ZDHHC8: variants seen among roughly 807,000 people sequenced by gnomAD.
ZDHHC8 encodes zDHHC palmitoyltransferase 8, also known as palmitoyltransferase ZDHHC8.
Under a neutral mutation model 61.2 loss-of-function variants are expected in ZDHHC8, and 24 were observed. That is an observed-to-expected ratio of 0.39 (90% CI 0.28 to 0.55). The LOEUF is 0.55. Ranked by LOEUF, ZDHHC8 falls within the 20% of genes least tolerant of loss-of-function variation. The pLI, the probability that ZDHHC8 is intolerant of heterozygous loss-of-function variation, is 0.60. For missense variants in ZDHHC8, 935 were observed against 1,102.1 expected (o/e 0.85, Z 2.15); for synonymous variants, 523 against 492.5 (o/e 1.06, Z -0.82).
chr22:20,132,319 C>T (rs901119894), intron 1 of ZDHHC8, among the ~76,000 whole-genome samples: 3 of 152,192 alleles, frequency 2.0e-5, no homozygotes, highest in Non-Finnish European at 4.4e-5. Context: ...CAGGCCCTGG[C>T]GGGGAGCGCT....
chr22:20,134,537 C>T (rs762078670), intron 1 of ZDHHC8, among the ~76,000 whole-genome samples: 6 of 152,232 alleles, frequency 3.9e-5, no homozygotes, highest in Non-Finnish European at 7.3e-5. Context: ...GCAGGTTGCT[C>T]TTGTGCCCCG....
In ZDHHC8 at chr22:20,132,463, G is replaced by C. The variant is rs952202490; in HGVS notation, c.104+412G>C. Among the ~76,000 whole-genome samples the C allele has an allele frequency of 2.6e-5, 4 of 152,220 alleles. No homozygotes were observed. The East Asian group carries it at 7.7e-4, about 29-fold the overall frequency. On this transcript the variant is annotated intron_variant, in intron 1 of 10. Transcript: ENST00000334554. ...TGCAGGTGGCCGTGGGTGCCTCTCG[G>C]GTCTCCTCCTGGCTGCCCGCCCCGG...
In ZDHHC8 at chr22:20,139,782, C is replaced by T; in HGVS notation, c.447C>T (p.Phe149=). ...TCGGGCGTCGAAACTATCGCTACTT[C>T]TTCCTGTTCCTGCTGTCACTCAGTG... ...NCIGRRNYRY[F]FLFLLSLSAH... The change falls in exon 4 of 11, where the codon TTC becomes TTT. Residue 149 remains phenylalanine, a synonymous_variant. Coordinates refer to ENST00000334554, the MANE Select transcript of ZDHHC8 (RefSeq NM_013373.4). 1 of 1,613,256 alleles carries T rather than the reference C, an allele frequency of 6.2e-7. No individual in the cohort carries two copies. The highest frequency in any genetic ancestry group is 8.5e-7 in the Non-Finnish European group (1 of 1,180,010).
intron 1 of ZDHHC8, among the ~76,000 whole-genome samples, chr22:20,138,896 C>T (rs1602569346): frequency 6.6e-6 from 1 of 152,280 alleles, no homozygotes; most frequent in South Asian, 2.1e-4. Context: ...AGTCATGGAG[C>T]CTAGGTCGCT....
chr22:20,132,920 C>A (rs1045827732), intron 1 of ZDHHC8, among the ~76,000 whole-genome samples: 1 of 152,234 alleles, frequency 6.6e-6, no homozygotes, highest in African/African-American at 2.4e-5. Context: ...CACCCACCCC[C>A]CTTCCACCAA....
intron 7 of ZDHHC8, 57 bp downstream of exon 7, chr22:20,141,069 G>A: frequency 6.2e-7 from 1 of 1,604,150 alleles, no homozygotes; most frequent in Admixed American, 1.7e-5. Flanking sequence ...GGGGAAACAG[G>A]CAGGTTGGTG....
intron 5 of ZDHHC8, 34 bp from the exon 6 acceptor site, chr22:20,140,583 G>A: frequency 6.4e-7 from 1 of 1,560,280 alleles, no homozygotes. Flanking sequence ...TGGACCTTGG[G>A]AGGCCAGGCT....
In ZDHHC8 at chr22:20,142,800, TAGCCTGGACTTTGTGTCCGAGCCG is replaced by T; in HGVS notation, c.1180_1203del (p.Phe394_Asp401del). 1 of 1,612,698 alleles carries T rather than the reference TAGCCTGGACTTTGTGTCCGAGCCG, an allele frequency of 6.2e-7. No individual in the cohort carries two copies. The highest frequency in any genetic ancestry group is 8.5e-7 in the Non-Finnish European group (1 of 1,179,948). ...TGACCCTGGGGGACGACAGCATCCG[TAGCCTGGACTTTGTGTCCGAGCCG>T]AGCCTGGACCTCCCTGACTATGGGC... On this transcript the variant is annotated inframe_deletion, in exon 10 of 11. Coordinates refer to ENST00000334554, the MANE Select transcript of ZDHHC8 (RefSeq NM_013373.4).
In ZDHHC8 at chr22:20,143,713, C is replaced by G; in HGVS notation, c.2083C>G (p.His695Asp). Reference sequence around the variant, plus strand: ...GGGCCCCAAAGCTGTCGCCTTCATCCACACGGACCTCCCAGAGCCACCGCC... The same window carrying G: ...GGGCCCCAAAGCTGTCGCCTTCATCGACACGGACCTCCCAGAGCCACCGCC... ...YAGPKAVAFI[H>D]TDLPEPPPSL... is the part of the protein sequence containing the mutation. The change falls in exon 10 of 11, where the codon CAC (histidine) becomes GAC (aspartate). Residue 695 changes from histidine to aspartate, a missense_variant. By Grantham distance (81) the His-to-Asp change is moderately conservative. Around this residue, in one of 3 missense-constraint regions of ZDHHC8, gnomAD observed 692 missense variants for 731.4 expected, o/e 0.95. Transcript: ENST00000334554. The G allele has an allele frequency of 6.2e-7, 1 of 1,610,372 alleles. No individual in the cohort carries two copies. The highest frequency in any genetic ancestry group is 8.5e-7 in the Non-Finnish European group (1 of 1,179,638).
At position 20,145,260 on chromosome 22, in the gene ZDHHC8, A is replaced by G. The variant is rs765977620; in HGVS notation, c.2158A>G (p.Lys720Glu). 6.5e-6 allele frequency: 10 copies of G among 1,528,004 alleles called. No homozygotes were observed. The highest frequency in any genetic ancestry group is 7.0e-6 in the Non-Finnish European group (8 of 1,139,076). The allele number at this position is 1,528,004 out of a possible 1,614,324, so 94.7% of individuals were successfully genotyped here. A position where few individuals can be genotyped will look rare whatever the true frequency, so the allele number is the denominator to read the frequency against. ...CCCTCAGCTGAAGACTCCCCCAAGT[A>G]AGCTTAATGGGCAGTCCCCGGGCCT... ...DHPQLKTPPSKLNGQSPGLAR... is the reference protein window; with the variant it reads ...DHPQLKTPPSELNGQSPGLAR... Residue 720 changes from lysine (K) to glutamate (E), a missense_variant, in exon 11 of 11, where the codon AAG (lysine) becomes GAG (glutamate). Coordinates refer to ENST00000334554, the MANE Select transcript of ZDHHC8 (RefSeq NM_013373.4).
intron 1 of ZDHHC8, 99 bp from the exon 2 acceptor site, chr22:20,139,095 G>T (rs1455712402): frequency 1.3e-6 from 2 of 1,505,600 alleles, no homozygotes; most frequent in Non-Finnish European, 1.8e-6. Flanking sequence ...GAGCTCTGAG[G>T]GTGACCTTGC....
chr22:20,144,270 C>A (rs2050502258), intron 10 of ZDHHC8, among the ~76,000 whole-genome samples: 1 of 152,156 alleles, frequency 6.6e-6, no homozygotes, highest in South Asian at 2.1e-4. Context: ...TTCTAGGAAG[C>A]AGGGGCTTCC....
Position 20,141,224 on chromosome 22 carries a change from G to T in ZDHHC8, c.902G>T (p.Gly301Val). 1.2e-6 allele frequency: 2 copies of T among 1,611,564 alleles called. No individual in the cohort carries two copies. Among genetic ancestry groups the T allele is most frequent in the South Asian group, 2.2e-5 (2 of 90,920 alleles). Residue 301 changes from glycine to valine, a missense_variant, in exon 8 of 11, where the codon GGC becomes GTC. This residue lies in a region of ZDHHC8 where 692 missense variants were observed against 731.4 expected (regional missense o/e 0.95). Transcript: ENST00000334554. ...KAGLGRSKSK[G>V]SLDRLDEKPL... ...GACCCCGCTCCCTCCCAGTCCAAGGGCAGCCTGGACCGGCTGGATGAGAAG... is the reference window on the plus strand; with the variant it reads ...GACCCCGCTCCCTCCCAGTCCAAGGTCAGCCTGGACCGGCTGGATGAGAAG...
rs746605520 is a variant in ZDHHC8 at position 20,145,379 on chromosome 22, C to A, written c.2277C>A (p.Thr759=). 6.4e-7 allele frequency: 1 copy of A among 1,563,368 alleles called. No homozygotes were observed. Among genetic ancestry groups the A allele is most frequent in the South Asian group, 1.2e-5 (1 of 86,164 alleles). Residue 759 remains threonine, a synonymous_variant, in exon 11 of 11, where the codon ACC becomes ACA. Coordinates refer to ENST00000334554, the MANE Select transcript of ZDHHC8 (RefSeq NM_013373.4). ...LVKKVSGVGG[T]TYEISV ...AGAAGGTGTCCGGCGTGGGTGGGAC[C>A]ACCTACGAGATCTCGGTGTGAGGAC...
intron 4 of ZDHHC8, 81 bp from the exon 5 acceptor site, chr22:20,140,034 T>A: frequency 6.3e-7 from 1 of 1,593,828 alleles, no homozygotes; most frequent in Non-Finnish European, 8.6e-7. Context: ...TGGGAGGAGG[T>A]TTGTCCACAG....
At chr22:20,137,126 T>C (rs542656095) in intron 1 of ZDHHC8, among the ~76,000 whole-genome samples, 56 of 152,346 alleles carry the variant, frequency 3.7e-4, no homozygotes, top group Admixed American at 1.0e-3. Flanking sequence ...AGGGCCCATA[T>C]GGGCCCTCAC....
At position 20,145,778 on chromosome 22, in the gene ZDHHC8, C is replaced by T. The variant is rs74464271; in HGVS notation, c.*378C>T. 53,472 of 993,546 alleles carry T rather than the reference C, an allele frequency of 0.054. 1,561 individuals are homozygous for T. The highest frequency in any genetic ancestry group is 0.11 in the South Asian group (2,456 of 21,462). The allele number at this position is 993,546 out of a possible 1,614,324, so 61.5% of individuals were successfully genotyped here. The stretch of plus-strand genomic sequence containing the variant: ...AGGCCAGCCCCCAATGGTCCCCTTA[C>T]GGACAGGTCCCAGAGATGGACAGAG... On this transcript the variant is annotated 3_prime_UTR_variant, in exon 11 of 11. Transcript: ENST00000334554.
At position 20,147,187 on chromosome 22, in the gene ZDHHC8, C is replaced by A; in HGVS notation, c.*1787C>A. ...CCCACGCGGGGCCATGTGCCGCCTG[C>A]ACTTGGCTGCCTCCAGTCTTTTCCC... On this transcript the variant is annotated 3_prime_UTR_variant, in exon 11 of 11. Coordinates refer to ENST00000334554, the MANE Select transcript of ZDHHC8 (RefSeq NM_013373.4). 2 of 1,515,446 alleles carry A rather than the reference C, an allele frequency of 1.3e-6. No homozygotes were observed. The highest frequency in any genetic ancestry group is 1.2e-5 in the South Asian group (1 of 80,484). The allele number at this position is 1,515,446 out of a possible 1,614,324, so 93.9% of individuals were successfully genotyped here. A position where few individuals can be genotyped will look rare whatever the true frequency, so the allele number is the denominator to read the frequency against.
In ZDHHC8 at chr22:20,146,224, C is replaced by T. The variant is rs1414526487; in HGVS notation, c.*824C>T. On this transcript the variant is annotated 3_prime_UTR_variant, in exon 11 of 11. Coordinates refer to ENST00000334554, the MANE Select transcript of ZDHHC8 (RefSeq NM_013373.4). ...AGAGCCCCCTCCCCAGCCCTCAGGC[C>T]CTCCCTGCCAAACTGGAGAACCCCA... is the stretch of plus-strand genomic sequence containing the variant. The T allele has an allele frequency of 2.0e-6, 2 of 985,460 alleles. No individual in the cohort carries two copies. Among genetic ancestry groups the T allele is most frequent in the Non-Finnish European group, 2.4e-6 (2 of 829,950 alleles). 61.0% of individuals were successfully genotyped at this position (985,460 alleles called of 1,614,324 possible).
Sources: allele counts gnomAD v4.1 joint callset (sites outside exome capture counted in the v4.1 genomes callset), GRCh38; gene constraint gnomAD v4.1.1; regional missense constraint gnomAD v4.1.1; transcripts MANE v1.5; gene names NCBI Gene and HGNC (gene_info 2026-07-23, HGNC 2026-07-21).